PTPRK: variants seen among roughly 807,000 people sequenced by gnomAD.
The protein encoded by PTPRK is receptor-type tyrosine-protein phosphatase kappa.
Under a neutral mutation model 178.0 loss-of-function variants are expected in PTPRK, and 75 were observed. That is an observed-to-expected ratio of 0.42 (90% CI 0.35 to 0.51). The LOEUF (loss-of-function observed/expected upper bound fraction) is 0.51. Among genes scored for constraint, PTPRK ranks in the 20% least tolerant of loss-of-function variants. PTPRK has a pLI of 0.02. For synonymous variants in PTPRK, 637 were observed against 620.6 expected (o/e 1.03, Z -0.39); for missense variants, 1,441 against 1,797.8 (o/e 0.80, Z 3.59).
chr6:128,519,293 G>A lies in PTPRK; in HGVS notation c.100+966C>T, dbSNP rs1310130702. On this transcript the variant is annotated intron_variant, in intron 1 of 29. Coordinates refer to ENST00000368226, the MANE Select transcript of PTPRK (RefSeq NM_002844.4). This position sits in a 1 kb window ranked among gnomAD's most constrained non-coding sequence, Gnocchi z 4.3. ...AACCTACACGAAGGATAACAAAACT[G>A]GAGGGGAACAGAGGGCGGGACCGGG... 2.0e-5 allele frequency among the ~76,000 whole-genome samples: 3 copies of A among 152,246 alleles called. No individual in the cohort carries two copies. The highest frequency in any genetic ancestry group is 1.3e-4 in the Admixed American group (2 of 15,284).
At chr6:128,085,812 G>A (rs1313695354) in intron 8 of PTPRK, among the ~76,000 whole-genome samples, 1 of 152,192 alleles carries the variant, frequency 6.6e-6, no homozygotes, top group Non-Finnish European at 1.5e-5. Context: ...GGACAAGAGA[G>A]TGTCATACTA....
At chr6:128,276,816 T>C (rs527657432) in intron 3 of PTPRK, among the ~76,000 whole-genome samples, 67 of 152,250 alleles carry the variant, frequency 4.4e-4, no homozygotes, top group African/African-American at 1.5e-3. Context: ...GACTATTCCC[T>C]GAAAAAGTAT....
At chr6:128,062,577 A>C (rs941352602) in intron 13 of PTPRK, 1 of 167,108 alleles carries the variant, frequency 6.0e-6, no homozygotes, top group African/African-American at 2.4e-5. Flanking sequence ...ACTGTCTAAC[A>C]TAAGTTATGT....
rs915710761 is a variant in PTPRK at position 128,009,263 on chromosome 6, C to G, written c.2200G>C (p.Ala734Pro). The G allele has an allele frequency of 1.2e-5, 19 of 1,602,710 alleles. No homozygotes were observed. Among genetic ancestry groups the G allele is most frequent in the Non-Finnish European group, 1.5e-5 (18 of 1,174,110 alleles). Reference sequence around the variant, plus strand: ...GGGATCACTTCTGGTTCTTCTGTTGCTGCTGCTAAATGGATAAAAAAAAAA... The same window carrying G: ...GGGATCACTTCTGGTTCTTCTGTTGGTGCTGCTAAATGGATAAAAAAAAAA... ...QCVRIATKAAATEEPEVIPDP... is the reference protein window; with the variant it reads ...QCVRIATKAAPTEEPEVIPDP... The change falls in exon 14 of 30, where the codon GCA becomes CCA. Residue 734 changes from alanine (A) to proline (P), a missense_variant. By Grantham distance (27) the Ala-to-Pro change is conservative. Coordinates refer to ENST00000368226, the MANE Select transcript of PTPRK (RefSeq NM_002844.4).
At chr6:128,476,887 T>TA (rs71028124) in intron 1 of PTPRK, among the ~76,000 whole-genome samples, 28,319 of 146,344 alleles carry the variant, frequency 0.19, 2,797 homozygotes, top group Non-Finnish European at 0.22. Flanking sequence ...ACTGCTTTTC[T>TA]AAAAAAAAAA....
intron 7 of PTPRK, among the ~76,000 whole-genome samples, chr6:128,100,987 CACAAAATGTTA>C (rs954698201): frequency 5.3e-5 from 8 of 152,052 alleles, no homozygotes; most frequent in African/African-American, 1.9e-4. Flanking sequence ...CACAGGAAAT[CACAAAATGTTA>C]ACAACACATA....
intron 13 of PTPRK, chr6:128,062,967 C>G (rs1051300589): frequency 6.6e-5 from 10 of 152,108 alleles, no homozygotes; most frequent in African/African-American, 2.4e-4. Flanking sequence ...CAGGAGCCAC[C>G]GTGTCTGGCC....
At chr6:128,263,524 T>C (rs1453167813) in intron 3 of PTPRK, among the ~76,000 whole-genome samples, 1 of 152,124 alleles carries the variant, frequency 6.6e-6, no homozygotes, top group Non-Finnish European at 1.5e-5. Flanking sequence ...TACGGTATTA[T>C]CTACCATAAA....
rs753648495 is a variant in PTPRK, at chr6:128,322,096, A to G, written c.438T>C (p.Gly146=). 6.2e-6 allele frequency: 10 copies of G among 1,613,784 alleles called. No homozygotes were observed. Among genetic ancestry groups the G allele is most frequent in the East Asian group, 2.2e-5 (1 of 44,868 alleles). The change falls in exon 3 of 30, where the codon GGT becomes GGC. Residue 146 remains glycine, a synonymous_variant. Coordinates refer to ENST00000368226, the MANE Select transcript of PTPRK (RefSeq NM_002844.4). ...CTAGCTCAGCCCGAAGCCAATCTCT[A>G]CCCGTGAATCCAGTCACATTCCAAA... ...NPIWNVTGFT[G]RDWLRAELAV... is the part of the protein sequence containing the mutation.
intron 1 of PTPRK, among the ~76,000 whole-genome samples, chr6:128,437,943 C>T (rs1282776926): frequency 6.6e-6 from 1 of 152,238 alleles, no homozygotes; most frequent in Admixed American, 6.5e-5. Context: ...AAGATCCCAG[C>T]TTATACCCAA....
chr6:127,999,037 C>T, intron 15 of PTPRK, 133 bp from the exon 16 acceptor site: 1 of 777,052 alleles, frequency 1.3e-6, no homozygotes, highest in Admixed American at 3.2e-5. Flanking sequence ...AAAGAAATAT[C>T]ATACAGTATA....
At chr6:128,484,847 T>A (rs1852585489) in intron 1 of PTPRK, among the ~76,000 whole-genome samples, 1 of 152,196 alleles carries the variant, frequency 6.6e-6, no homozygotes, top group Non-Finnish European at 1.5e-5. Flanking sequence ...AACTCAATAG[T>A]TTCCTTTCCT....
At chr6:128,110,215 T>C (rs1790419109) in intron 7 of PTPRK, among the ~76,000 whole-genome samples, 1 of 152,118 alleles carries the variant, frequency 6.6e-6, no homozygotes, top group Admixed American at 6.6e-5. Context: ...TGAGCCACCA[T>C]GCCCAACCTA....
intron 7 of PTPRK, among the ~76,000 whole-genome samples, chr6:128,172,951 A>G (rs1481263283): frequency 1.3e-5 from 2 of 151,926 alleles, no homozygotes; most frequent in Non-Finnish European, 2.9e-5. Flanking sequence ...GAGGCATCTG[A>G]AGGGTGCATA....
chr6:128,401,702 T>C (rs1216074725), intron 1 of PTPRK, among the ~76,000 whole-genome samples: 1 of 152,216 alleles, frequency 6.6e-6, no homozygotes, highest in African/African-American at 2.4e-5. Flanking sequence ...AATAGAATTA[T>C]CTTTCATGGT....
At chr6:128,105,359 T>A (rs1360291304) in intron 7 of PTPRK, among the ~76,000 whole-genome samples, 1 of 152,168 alleles carries the variant, frequency 6.6e-6, no homozygotes, top group Non-Finnish European at 1.5e-5. Flanking sequence ...GGTCTTGATC[T>A]CCTGACCTTG....
At chr6:128,129,776 T>C (rs1477835501) in intron 7 of PTPRK, among the ~76,000 whole-genome samples, 2 of 152,186 alleles carry the variant, frequency 1.3e-5, no homozygotes, top group African/African-American at 4.8e-5. Flanking sequence ...AATTAAGGTA[T>C]TGCATTTTAT....
chr6:128,036,495 A>G (rs977907739), intron 13 of PTPRK, among the ~76,000 whole-genome samples: 4 of 152,226 alleles, frequency 2.6e-5, no homozygotes, highest in African/African-American at 9.6e-5. Context: ...AGGCAAAAAA[A>G]GGAACATGGA....
Position 128,093,616 on chromosome 6 carries a change from A to C in PTPRK, c.1163-3624T>G, listed in dbSNP as rs1404673668. ...TCTCTCAAAAAAAAAAAAAAAAAAAAAAAAAAACGAAAAAACAAAAAAACA... is the reference window on the plus strand; with the variant it reads ...TCTCTCAAAAAAAAAAAAAAAAAAACAAAAAAACGAAAAAACAAAAAAACA... On this transcript the variant is annotated intron_variant, in intron 7 of 29. Coordinates refer to ENST00000368226, the MANE Select transcript of PTPRK (RefSeq NM_002844.4). Among the ~76,000 whole-genome samples, 8 of 148,818 alleles carry C rather than the reference A, an allele frequency of 5.4e-5. No homozygotes were observed. The East Asian group carries it at 5.8e-4, about 11-fold the overall frequency.
Sources: allele counts gnomAD v4.1 joint callset (sites outside exome capture counted in the v4.1 genomes callset), GRCh38; gene constraint gnomAD v4.1.1; non-coding constraint Gnocchi (gnomAD v3.1); transcripts MANE v1.5; gene names NCBI Gene and HGNC (gene_info 2026-07-23, HGNC 2026-07-21).